The following GLT1D1 variants were observed in gnomAD, a reference collection of about 807,000 sequenced individuals.
GLT1D1 encodes glycosyltransferase 1 domain-containing protein 1.
In GLT1D1, 21 loss-of-function variants were observed where a neutral mutation model predicts 28.7. The ratio of observed to expected loss-of-function variants is 0.73; its 90% CI spans 0.52 to 1.05. The LOEUF (loss-of-function observed/expected upper bound fraction) is 1.05, where lower values mean the gene tolerates loss of function less well. Ranked by LOEUF, GLT1D1 falls within the 50% of genes least tolerant of loss-of-function variation. GLT1D1 has a pLI of 0.00. For missense variants in GLT1D1, 343 were observed against 330.6 expected, an observed-to-expected ratio of 1.04 and a Z score of -0.29; for synonymous variants, 147 against 124.8, an observed-to-expected ratio of 1.18 and a Z score of -1.19.
At chr12:128,922,940 A>T (rs902143738) in intron 4 of GLT1D1, among the ~76,000 whole-genome samples, 5 of 148,206 alleles carry the variant, frequency 3.4e-5, no homozygotes, top group Non-Finnish European at 7.4e-5. Flanking sequence ...AAAAAAAAAA[A>T]AAAAAAGAGT....
chr12:128,948,090 C>T (rs1206801181), intron 6 of GLT1D1, among the ~76,000 whole-genome samples: 1 of 152,128 alleles, frequency 6.6e-6, no homozygotes, highest in East Asian at 1.9e-4. Context: ...AGTGGGAAGG[C>T]CGTGCTCGTG....
At position 128,928,025 on chromosome 12, in the gene GLT1D1, ACAAAAAAGAAT is replaced by A. The variant is rs1362701272; in HGVS notation, c.376-17300_376-17290del. Among the ~76,000 whole-genome samples, 486 of 145,856 alleles carry A rather than the reference ACAAAAAAGAAT, an allele frequency of 3.3e-3. 7 individuals are homozygous for A. Among genetic ancestry groups the A allele is most frequent in the African/African-American group, 0.012 (462 of 39,384 alleles). ...AAAAAAAAAAAAAAAAAAAAAAAAA[ACAAAAAAGAAT>A]AGAAAAAAAGAAAAGAAATACATAG... On this transcript the variant is annotated intron_variant, in intron 4 of 7. Transcript: ENST00000281703.
chr12:128,876,612 A>G (rs1399275542), intron 2 of GLT1D1, among the ~76,000 whole-genome samples: 1 of 152,060 alleles, frequency 6.6e-6, no homozygotes, highest in African/African-American at 2.4e-5. Context: ...CTGGCCCTGA[A>G]TTTTTTCAAT....
At chr12:128,960,344 C>T (rs1186685038) in intron 7 of GLT1D1, among the ~76,000 whole-genome samples, 1 of 152,148 alleles carries the variant, frequency 6.6e-6, no homozygotes, top group Non-Finnish European at 1.5e-5. Context: ...GGGGTAGGAG[C>T]TGTTGTTTTA....
intron 1 of GLT1D1, among the ~76,000 whole-genome samples, chr12:128,859,323 A>G (rs1956302821): frequency 6.6e-6 from 1 of 152,232 alleles, no homozygotes; most frequent in African/African-American, 2.4e-5. Context: ...CATCTCTTCC[A>G]GAGCTGAGAG....
intron 7 of GLT1D1, among the ~76,000 whole-genome samples, chr12:128,981,174 AC>A (rs1206163627): frequency 6.6e-6 from 1 of 151,522 alleles, no homozygotes; most frequent in Non-Finnish European, 1.5e-5. Context: ...CTTACTCATA[AC>A]CCCCCTCTCT....
intron 7 of GLT1D1, among the ~76,000 whole-genome samples, chr12:128,964,037 T>G (rs773831226): frequency 2.0e-5 from 3 of 152,198 alleles, no homozygotes; most frequent in Non-Finnish European, 4.4e-5. Context: ...GACAGCTGTC[T>G]TCTCCCTGTG....
At chr12:128,913,033 G>A (rs1213933851) in intron 4 of GLT1D1, among the ~76,000 whole-genome samples, 3 of 152,120 alleles carry the variant, frequency 2.0e-5, no homozygotes, top group African/African-American at 7.2e-5. Context: ...GTAGAAGTAC[G>A]ATATACTCCA....
intron 1 of GLT1D1, among the ~76,000 whole-genome samples, chr12:128,869,628 C>T (rs1038765123): frequency 3.3e-5 from 5 of 151,966 alleles, no homozygotes; most frequent in African/African-American, 7.2e-5. Flanking sequence ...CATGTCTAAC[C>T]GAGCTGCGTG....
chr12:128,854,078 C>A (rs1337022954), intron 1 of GLT1D1, among the ~76,000 whole-genome samples: 1 of 152,064 alleles, frequency 6.6e-6, no homozygotes, highest in Non-Finnish European at 1.5e-5. Flanking sequence ...CGGGTCTCGG[C>A]TGTGTGCCGG....
At chr12:128,866,956 C>A (rs992597631) in intron 1 of GLT1D1, among the ~76,000 whole-genome samples, 1 of 152,096 alleles carries the variant, frequency 6.6e-6, no homozygotes, top group Non-Finnish European at 1.5e-5. Flanking sequence ...AACTCCCCTG[C>A]CCACCCTTCT....
intron 1 of GLT1D1, among the ~76,000 whole-genome samples, chr12:128,858,592 A>G (rs1290000987): frequency 6.6e-6 from 1 of 151,988 alleles, no homozygotes; most frequent in African/African-American, 2.4e-5. Context: ...GAATTGCTTG[A>G]ACCCAGAAGC....
chr12:128,869,105 T>C (rs971930731), intron 1 of GLT1D1, among the ~76,000 whole-genome samples: 2 of 152,158 alleles, frequency 1.3e-5, no homozygotes, highest in African/African-American at 4.8e-5. Context: ...CTGACCTCAG[T>C]TGATCCGCCC....
At chr12:128,928,083 A>G (rs1408532078) in intron 4 of GLT1D1, among the ~76,000 whole-genome samples, 1 of 151,946 alleles carries the variant, frequency 6.6e-6, no homozygotes, top group African/African-American at 2.4e-5. Flanking sequence ...AAAGAAAATT[A>G]AAGTTATATA....
chr12:128,969,394 G>C (rs73424642), intron 7 of GLT1D1, among the ~76,000 whole-genome samples: 6,987 of 152,232 alleles, frequency 0.046, 199 homozygotes, highest in African/African-American at 0.082. Context: ...GGGGAGAAGG[G>C]ACCATTTCTG....
At chr12:128,942,789 C>G (rs967702441) in intron 4 of GLT1D1, among the ~76,000 whole-genome samples, 2 of 146,328 alleles carry the variant, frequency 1.4e-5, no homozygotes, top group Non-Finnish European at 3.0e-5. Flanking sequence ...CTCGCTCTGC[C>G]CCCCAGGCTG....
intron 7 of GLT1D1, among the ~76,000 whole-genome samples, chr12:128,969,109 CTCTCTG>C (rs1259463161): frequency 6.6e-6 from 1 of 151,696 alleles, no homozygotes; most frequent in Non-Finnish European, 1.5e-5. Flanking sequence ...GTCTGTGTCT[CTCTCTG>C]TCTCTGTTTC....
intron 4 of GLT1D1, among the ~76,000 whole-genome samples, chr12:128,933,693 C>A (rs1403222183): frequency 6.6e-6 from 1 of 152,062 alleles, no homozygotes; most frequent in East Asian, 1.9e-4. Context: ...CAGATGCCAC[C>A]CTCTCAGACA....
chr12:128,874,059 C>CCTTTCTTTCTTT (rs1194476491), intron 1 of GLT1D1, among the ~76,000 whole-genome samples: 1 of 34,706 alleles, frequency 2.9e-5, no homozygotes, highest in Admixed American at 4.6e-4. Context: ...CTCCCTCCCT[C>CCTTTCTTTCTTT]CTTTCTTTCT....
Sources: gnomAD v4.1 joint callset for allele counts (sites outside exome capture counted in the v4.1 genomes callset) on GRCh38, gnomAD v4.1.1 for gene constraint, MANE v1.5 for transcripts, NCBI Gene and HGNC (gene_info 2026-07-23, HGNC 2026-07-21) for gene names.